The following IL34 variants were observed in gnomAD, a reference collection of about 807,000 sequenced individuals.
IL34 encodes the protein interleukin-34.
IL34 carries 17 observed loss-of-function variants against 25.3 expected under a neutral mutation model. The ratio of observed to expected loss-of-function variants is 0.67; its 90% CI spans 0.46 to 1.01. The LOEUF (loss-of-function observed/expected upper bound fraction) is 1.01, where lower values mean the gene tolerates loss of function less well. Ranked by LOEUF, IL34 falls within the 50% of genes least tolerant of loss-of-function variation. The pLI is 0.00. For missense variants in IL34, 368 were observed against 312.9 expected (o/e 1.18, Z -1.33); for synonymous variants, 174 against 140.9 (o/e 1.23, Z -1.66).
chr16:70,608,198 G>C (rs548152984), intron 1 of IL34, among the ~76,000 whole-genome samples: 1 of 144,626 alleles, frequency 6.9e-6, no homozygotes, highest in Admixed American at 7.2e-5. Flanking sequence ...GTGTGCTCTC[G>C]GCTCACTGCA....
chr16:70,654,722 C>G lies in IL34; in HGVS notation c.162+51C>G, dbSNP rs753288070. 2.6e-6 allele frequency: 4 copies of G among 1,557,118 alleles called. No homozygotes were observed. The East Asian group carries it at 9.1e-5, about 35-fold the overall frequency. On this transcript the variant is annotated intron_variant, in intron 2 of 5. Coordinates refer to ENST00000288098, the MANE Select transcript of IL34 (RefSeq NM_001393494.1). Reference sequence around the variant, plus strand: ...CCCTGTCCCCGCGTCCCGGGGTTCACCTGGCATAGGCCTCTGGACATTCAG... The same window carrying G: ...CCCTGTCCCCGCGTCCCGGGGTTCAGCTGGCATAGGCCTCTGGACATTCAG...
rs569661689 is a variant in IL34, at chr16:70,647,399, C to T, written c.28+424C>T. Among the ~76,000 whole-genome samples, 5 of 151,604 alleles carry T rather than the reference C, an allele frequency of 3.3e-5. No homozygotes were observed. In the South Asian group the frequency reaches 1.0e-3, roughly 31 times the overall value. On this transcript the variant is annotated intron_variant, in intron 1 of 5. Coordinates refer to ENST00000288098, the MANE Select transcript of IL34 (RefSeq NM_001393494.1). Reference sequence around the variant, plus strand: ...CCACGGCAGAAGAGCAGCCAGATGCCTGGAGAAGGCAGCCTGTTCCCCTCC... The same window carrying T: ...CCACGGCAGAAGAGCAGCCAGATGCTTGGAGAAGGCAGCCTGTTCCCCTCC...
upstream of IL34, among the ~76,000 whole-genome samples, chr16:70,646,397 C>T (rs1259075454): frequency 4.6e-5 from 7 of 152,184 alleles, no homozygotes; most frequent in African/African-American, 1.4e-4. Context: ...GCCGTTCGGA[C>T]ATCCTGAAGT....
chr16:70,630,124 G>A (rs931716660), intron 1 of IL34, among the ~76,000 whole-genome samples: 9 of 152,092 alleles, frequency 5.9e-5, no homozygotes, highest in Admixed American at 3.3e-4. Flanking sequence ...TCTGTGCCTG[G>A]CTTATTTCAC....
chr16:70,657,221 T>C, intron 4 of IL34, 100 bp downstream of exon 4: 1,052 of 876,232 alleles, frequency 1.2e-3, no homozygotes, highest in Middle Eastern at 2.1e-3. Context: ...AAAGGGTGAA[T>C]ACACGGAAAG....
rs2052227832 is a variant in IL34, at chr16:70,656,622, C to A, written c.183C>A (p.Asn61Lys). ...LQYMKHYFPI[N>K]YKISVPYEGV... ...TCCAGAAACACTACTTCCCCATCAA[C>A]TACAAGATCAGTGTGCCTTACGAGG... The change falls in exon 3 of 6, where the codon AAC (asparagine) becomes AAA (lysine). Residue 61 changes from asparagine (N) to lysine (K), a missense_variant. Transcript: ENST00000288098. 1.4e-6 allele frequency: 2 copies of A among 1,419,200 alleles called. No homozygotes were observed. Among genetic ancestry groups the A allele is most frequent in the African/African-American group, 1.4e-5 (1 of 71,164 alleles). 87.9% of individuals were successfully genotyped at this position (1,419,200 alleles called of 1,614,324 possible).
chr16:70,632,861 G>T (rs1170723925), intron 1 of IL34, among the ~76,000 whole-genome samples: 1 of 152,156 alleles, frequency 6.6e-6, no homozygotes, highest in Non-Finnish European at 1.5e-5. Flanking sequence ...GCACGAGCCA[G>T]GTTGGAGCCT....
At chr16:70,649,101 C>T (rs1029906420) in intron 1 of IL34, among the ~76,000 whole-genome samples, 6 of 152,134 alleles carry the variant, frequency 3.9e-5, no homozygotes, top group African/African-American at 7.2e-5. Flanking sequence ...ACAGGACAGG[C>T]GAGCCCCCAA....
rs4985556 is a variant in IL34, at chr16:70,660,097, C to T, written c.639C>T (p.Tyr213=). ...PSLQYAATQL[Y]PPPPWSPSSP... is the part of the protein sequence containing the mutation. ...TGCAGTATGCGGCCACCCAGCTGTA[C>T]CCTCCGCCCCCGTGGTCCCCCAGCT... Residue 213 remains tyrosine (Y), a synonymous_variant, in exon 6 of 6, where the codon TAC becomes TAT. Transcript: ENST00000288098. 1.2e-6 allele frequency: 2 copies of T among 1,613,436 alleles called. No individual in the cohort carries two copies. Among genetic ancestry groups the T allele is most frequent in the Admixed American group, 1.7e-5 (1 of 59,952 alleles).
In IL34 at chr16:70,639,504, A is replaced by G. The variant is rs117274122; in HGVS notation, c.-400-7044A>G. Among the ~76,000 whole-genome samples the G allele has an allele frequency of 2.6e-5, 4 of 152,356 alleles. No individual in the cohort carries two copies. The East Asian group carries it at 7.7e-4, about 29-fold the overall frequency. On this transcript the variant is annotated intron_variant, in intron 1 of 6. Coordinates refer to the IL34 transcript ENST00000429149. ...TATCACAATTAGCAGCCCTCAGTGAATTAATGGATCTAGGCATTAAGTGGC... is the reference window on the plus strand; with the variant it reads ...TATCACAATTAGCAGCCCTCAGTGAGTTAATGGATCTAGGCATTAAGTGGC...
chr16:70,597,998 C>A (rs976089305), intron 1 of IL34, among the ~76,000 whole-genome samples: 1 of 152,188 alleles, frequency 6.6e-6, no homozygotes, highest in Non-Finnish European at 1.5e-5. Flanking sequence ...GTGCCCGCCA[C>A]CATGTCTAGC....
chr16:70,657,252 G>A (rs1045689007), intron 4 of IL34, 131 bp downstream of exon 4: 19 of 903,924 alleles, frequency 2.1e-5, no homozygotes, highest in Admixed American at 1.3e-4. Flanking sequence ...GCAGAGGGAC[G>A]TGGGAGAAGT....
chr16:70,621,782 G>A (rs1467693792), intron 1 of IL34, among the ~76,000 whole-genome samples: 1 of 152,096 alleles, frequency 6.6e-6, no homozygotes, highest in Non-Finnish European at 1.5e-5. Flanking sequence ...CAGTCAAAGA[G>A]GGTTTGTTCT....
At chr16:70,592,327 C>T (rs193126043) in intron 1 of IL34, among the ~76,000 whole-genome samples, 1 of 152,230 alleles carries the variant, frequency 6.6e-6, no homozygotes, top group Admixed American at 6.5e-5. Context: ...GTTCTTCTCC[C>T]CAGTGCACCC....
At chr16:70,580,621 A>G (rs1291864517) in intron 1 of IL34, among the ~76,000 whole-genome samples, 1 of 151,968 alleles carries the variant, frequency 6.6e-6, no homozygotes, top group African/African-American at 2.4e-5. Flanking sequence ...TCTCTACTAA[A>G]AATACAAAAG....
At chr16:70,604,164 G>A (rs565509937) in intron 1 of IL34, among the ~76,000 whole-genome samples, 1 of 152,220 alleles carries the variant, frequency 6.6e-6, no homozygotes. Flanking sequence ...AACCAGAATA[G>A]CAAAGCCTGT....
intron 1 of IL34, among the ~76,000 whole-genome samples, chr16:70,624,919 A>T (rs1315683312): frequency 2.0e-5 from 3 of 151,868 alleles, no homozygotes; most frequent in African/African-American, 7.3e-5. Flanking sequence ...GACAGGCGGG[A>T]GGGAAAGAAG....
chr16:70,584,492 C>G (rs1029427843), intron 1 of IL34, among the ~76,000 whole-genome samples: 3 of 152,196 alleles, frequency 2.0e-5, no homozygotes, highest in African/African-American at 7.2e-5. Flanking sequence ...TTCCCAGCAG[C>G]CACTGGGAAA....
intron 4 of IL34, among the ~76,000 whole-genome samples, chr16:70,659,082 C>G (rs2151886990): frequency 6.6e-6 from 1 of 152,250 alleles, no homozygotes; most frequent in South Asian, 2.1e-4. Context: ...TGGCCCTGAC[C>G]TCCTGTTCAG....
Sources: gnomAD v4.1 joint callset for allele counts (sites outside exome capture counted in the v4.1 genomes callset) on GRCh38, gnomAD v4.1.1 for gene constraint, MANE v1.5 for transcripts, NCBI Gene and HGNC (gene_info 2026-07-23, HGNC 2026-07-21) for gene names.